Variants in GTF3C1 observed in about 807,000 individuals in gnomAD.
The protein encoded by GTF3C1 is general transcription factor IIIC subunit 1.
GTF3C1 carries 57 observed loss-of-function variants against 226.7 expected under a neutral mutation model. The ratio of observed to expected loss-of-function variants is 0.25; its 90% CI spans 0.20 to 0.31. GTF3C1 has a LOEUF of 0.31. Among genes scored for constraint, GTF3C1 ranks in the 10% least tolerant of loss-of-function variants. GTF3C1 has a pLI of 1.00. For missense variants in GTF3C1, 2,217 were observed against 2,776.1 expected, an observed-to-expected ratio of 0.80 and a Z score of 4.53; for synonymous variants, 1,090 against 1,084.8, an observed-to-expected ratio of 1.00 and a Z score of -0.09.
Position 27,471,828 on chromosome 16 carries a change from G to C in GTF3C1, c.4446C>G (p.Val1482=). 6.2e-7 allele frequency: 1 copy of C among 1,613,950 alleles called. No individual in the cohort carries two copies. Among genetic ancestry groups the C allele is most frequent in the Non-Finnish European group, 8.5e-7 (1 of 1,179,846 alleles). Residue 1482 remains valine (V), a synonymous_variant, in exon 30 of 37, where the codon GTC becomes GTG. Coordinates refer to ENST00000356183, the MANE Select transcript of GTF3C1 (RefSeq NM_001520.4). The surrounding 1 kb of genome is among the most constrained non-coding windows in gnomAD (Gnocchi z 5.0). ...QKRSLVNRRR[V]NHTLGPKKNR... ...TCTTCTTGGGGCCCAGCGTGTGGTT[G>C]ACCCGGCGCCGGTTGACCAAGCTCC...
intron 21 of GTF3C1, 97 bp downstream of exon 21, chr16:27,488,946 C>T (rs536366323): frequency 1.5e-5 from 17 of 1,162,986 alleles, no homozygotes; most frequent in Admixed American, 5.2e-5. Flanking sequence ...TCAATACAAA[C>T]GGAAGCCAGT....
intron 15 of GTF3C1, 93 bp from the exon 16 acceptor site, chr16:27,495,001 CT>C: frequency 8.9e-7 from 1 of 1,126,790 alleles, no homozygotes; most frequent in Non-Finnish European, 1.3e-6. Context: ...GTCTTGGTGT[CT>C]TTACCCCTAA....
chr16:27,488,698 G>T, intron 21 of GTF3C1, 63 bp from the exon 22 acceptor site: 2 of 1,360,064 alleles, frequency 1.5e-6, no homozygotes, highest in African/African-American at 1.4e-5. Context: ...GCCGCCCAGA[G>T]TAACAAATGC....
chr16:27,478,380 T>A, intron 28 of GTF3C1, 89 bp downstream of exon 28: 1 of 900,190 alleles, frequency 1.1e-6, no homozygotes, highest in Non-Finnish European at 1.9e-6. Context: ...TGGGCTGGAT[T>A]TGGCCCTAGA....
Position 27,460,725 on chromosome 16 carries a change from C to G in GTF3C1, c.*625G>C, listed in dbSNP as rs1414078788. ...AAAATAAAACAAACAAAACCAAAAC[C>G]TACAGGGACTCTTCATTTCTGGCCT... is the stretch of plus-strand genomic sequence containing the variant. On this transcript the variant is annotated 3_prime_UTR_variant, in exon 37 of 37. Transcript: ENST00000356183. The G allele has an allele frequency of 6.6e-6, 1 of 152,042 alleles. No individual in the cohort carries two copies. The highest frequency in any genetic ancestry group is 1.5e-5 in the Non-Finnish European group (1 of 67,998). 9.4% of individuals were successfully genotyped at this position (152,042 alleles called of 1,614,324 possible).
At chr16:27,522,045 T>C (rs1461491280) in intron 6 of GTF3C1, among the ~76,000 whole-genome samples, 1 of 152,264 alleles carries the variant, frequency 6.6e-6, no homozygotes, top group Admixed American at 6.5e-5. Context: ...ATTTTAACTA[T>C]CATAATTTAA....
chr16:27,539,735 T>C (rs1163612557), intron 2 of GTF3C1, among the ~76,000 whole-genome samples: 1 of 152,200 alleles, frequency 6.6e-6, no homozygotes, highest in Admixed American at 6.5e-5. Context: ...GCCATGACAG[T>C]TCTGTTCTGC....
intron 5 of GTF3C1, among the ~76,000 whole-genome samples, chr16:27,530,060 T>C (rs761148679): frequency 3.3e-5 from 5 of 152,272 alleles, no homozygotes; most frequent in African/African-American, 4.8e-5. Flanking sequence ...AGGGAGCGAA[T>C]GGCAGGAGGC....
intron 11 of GTF3C1, 23 bp from the exon 12 acceptor site, chr16:27,501,367 A>G (rs931815671): frequency 6.2e-6 from 10 of 1,611,608 alleles, no homozygotes; most frequent in Non-Finnish European, 8.5e-6. Context: ...AAATAAGCAG[A>G]TAACACTCCC....
chr16:27,519,661 T>C (rs892423197), intron 6 of GTF3C1, among the ~76,000 whole-genome samples: 1 of 151,696 alleles, frequency 6.6e-6, no homozygotes, highest in African/African-American at 2.4e-5. Flanking sequence ...GCCTCTGTTT[T>C]CTCATCAGTG....
rs1488676330 is a variant in GTF3C1, at chr16:27,549,900, A to C, written c.-10T>G. 7 of 1,604,754 alleles carry C rather than the reference A, an allele frequency of 4.4e-6. No homozygotes were observed. The highest frequency in any genetic ancestry group is 3.3e-5 in the Admixed American group (2 of 59,760). The stretch of plus-strand genomic sequence containing the variant: ...ACTCCAGCGCGTCCATTGCTACTTC[A>C]GTCGGCGGCGCCCGGGGCGCATGCG... On this transcript the variant is annotated 5_prime_UTR_variant, in exon 1 of 37. Coordinates refer to ENST00000356183, the MANE Select transcript of GTF3C1 (RefSeq NM_001520.4).
At chr16:27,538,457 G>T (rs2141455026) in intron 2 of GTF3C1, 101 bp from the exon 3 acceptor site, 1 of 725,706 alleles carries the variant, frequency 1.4e-6, no homozygotes, top group Non-Finnish European at 2.2e-6. Flanking sequence ...TCCTGCTTCT[G>T]CTAGGAGTTT....
intron 2 of GTF3C1, among the ~76,000 whole-genome samples, chr16:27,543,702 G>C (rs1453358373): frequency 1.3e-5 from 2 of 152,140 alleles, no homozygotes; most frequent in African/African-American, 2.4e-5. Context: ...ACATTTAAGT[G>C]GTGGAAGGAA....
intron 24 of GTF3C1, among the ~76,000 whole-genome samples, 181 bp from the exon 25 acceptor site, chr16:27,484,534 T>C (rs563530224): frequency 6.6e-6 from 1 of 152,346 alleles, no homozygotes; most frequent in South Asian, 2.1e-4. Context: ...AGGGAGATTC[T>C]GGGCAGACAA....
intron 6 of GTF3C1, among the ~76,000 whole-genome samples, chr16:27,527,880 G>A (rs891875099): frequency 2.0e-5 from 3 of 152,010 alleles, no homozygotes; most frequent in Non-Finnish European, 4.4e-5. Context: ...AGGCTGAGGC[G>A]GGAGGATCGT....
At chr16:27,546,686 T>A (rs1255619082) in intron 1 of GTF3C1, among the ~76,000 whole-genome samples, 1 of 151,974 alleles carries the variant, frequency 6.6e-6, no homozygotes, top group Non-Finnish European at 1.5e-5. Flanking sequence ...CCTACACTAG[T>A]CTAATTGCGG....
intron 2 of GTF3C1, among the ~76,000 whole-genome samples, chr16:27,543,279 G>A (rs1226744785): frequency 1.3e-5 from 2 of 152,122 alleles, no homozygotes; most frequent in African/African-American, 2.4e-5. Flanking sequence ...CCAGCTACTC[G>A]GGAGGCTGAG....
chr16:27,510,354 C>T (rs992656915), intron 7 of GTF3C1, among the ~76,000 whole-genome samples: 1 of 150,950 alleles, frequency 6.6e-6, no homozygotes, highest in African/African-American at 2.4e-5. Flanking sequence ...CCACTGCACT[C>T]GAGCATGGGC....
intron 6 of GTF3C1, 48 bp downstream of exon 6, chr16:27,528,550 A>T (rs1490262399): frequency 6.7e-7 from 1 of 1,498,930 alleles, no homozygotes; most frequent in Admixed American, 1.8e-5. Flanking sequence ...AGAAGACAGA[A>T]GTGAGAGCCA....
Sources: gnomAD v4.1 joint callset for allele counts (sites outside exome capture counted in the v4.1 genomes callset) on GRCh38, gnomAD v4.1.1 for gene constraint, Gnocchi (gnomAD v3.1) non-coding constraint, MANE v1.5 for transcripts, NCBI Gene and HGNC (gene_info 2026-07-23, HGNC 2026-07-21) for gene names.